PHF20: variants seen among roughly 807,000 people sequenced by gnomAD.
PHF20 encodes PHD finger protein 20, also known as glioma-expressed antigen 2.
Under a neutral mutation model 113.5 loss-of-function variants are expected in PHF20, and 23 were observed. That is an observed-to-expected ratio of 0.20 (90% CI 0.15 to 0.29). The LOEUF (loss-of-function observed/expected upper bound fraction) is 0.29. Ranked by LOEUF, PHF20 falls within the 10% of genes least tolerant of loss-of-function variation. PHF20 has a pLI of 1.00. For missense variants in PHF20, 943 were observed against 1,219.6 expected, an observed-to-expected ratio of 0.77 and a Z score of 3.38; for synonymous variants, 434 against 457.3, an observed-to-expected ratio of 0.95 and a Z score of 0.65.
At chr20:35,824,722 C>T (rs1374308207) in intron 2 of PHF20, among the ~76,000 whole-genome samples, 1 of 152,092 alleles carries the variant, frequency 6.6e-6, no homozygotes, top group Non-Finnish European at 1.5e-5. Flanking sequence ...TTCTCATTAT[C>T]CCAAAAAGAA....
Position 35,863,118 on chromosome 20 carries a change from G to T in PHF20, c.526G>T (p.Val176Leu), listed in dbSNP as rs373974765. The change falls in exon 6 of 18, where the codon GTG (valine) becomes TTG (leucine). Residue 176 changes from valine (V) to leucine (L), a missense_variant. Transcript: ENST00000374012. ...FKEQRKATVN[V>L]KKDKEDKPLK... ...AGAACAGAGAAAAGCAACAGTGAAT[G>T]TGAAGAAAGACAAAGAAGATAAACC... 2.5e-6 allele frequency: 4 copies of T among 1,613,470 alleles called. No individual in the cohort carries two copies. In the African/African-American group the frequency reaches 5.3e-5, roughly 22 times the overall value.
At chr20:35,836,722 T>C (rs907497343) in intron 2 of PHF20, among the ~76,000 whole-genome samples, 2 of 151,630 alleles carry the variant, frequency 1.3e-5, no homozygotes, top group Non-Finnish European at 2.9e-5. Context: ...CAGGTGCCTG[T>C]AGTCCCAGCT....
rs369820748 is a variant in PHF20 at position 35,939,040 on chromosome 20, C to A, written c.2644C>A (p.Arg882Ser). The A allele has an allele frequency of 6.2e-7, 1 of 1,614,170 alleles. No individual in the cohort carries two copies. The highest frequency in any genetic ancestry group is 8.5e-7 in the Non-Finnish European group (1 of 1,180,020). ...GAACGGCGATGATTCCCTTTCCCCG[C>A]GCCTGGGCTGGCCTCTAGACCAAGA... ...HENGDDSLSP[R>S]LGWPLDQDRS... The change falls in exon 16 of 18, where the codon CGC (arginine) becomes AGC (serine). Residue 882 changes from arginine (R) to serine (S), a missense_variant. Arg to Ser is a moderately radical substitution (Grantham distance 110). Around this residue, in one of 3 missense-constraint regions of PHF20, gnomAD observed 349 missense variants for 412.3 expected, o/e 0.85. Transcript: ENST00000374012.
At chr20:35,896,565 C>T (rs1466138322) in intron 9 of PHF20, among the ~76,000 whole-genome samples, 1 of 151,680 alleles carries the variant, frequency 6.6e-6, no homozygotes, top group Non-Finnish European at 1.5e-5. Context: ...AATTCCAGCA[C>T]TCTGGGAGGC....
intron 10 of PHF20, among the ~76,000 whole-genome samples, chr20:35,911,243 C>T (rs1303788790): frequency 6.6e-6 from 1 of 151,868 alleles, no homozygotes; most frequent in Non-Finnish European, 1.5e-5. Context: ...AGGGTTTTAC[C>T]ATGTTAGCCA....
chr20:35,782,261 T>TG (rs1381255892), intron 1 of PHF20: 3 of 58,586 alleles, frequency 5.1e-5, no homozygotes, highest in Non-Finnish European at 8.2e-5. Context: ...TTTCTTGTTT[T>TG]GTTTTTTTTT....
At chr20:35,856,801 G>A (rs969236503) in intron 4 of PHF20, among the ~76,000 whole-genome samples, 3 of 152,224 alleles carry the variant, frequency 2.0e-5, no homozygotes, top group African/African-American at 4.8e-5. Flanking sequence ...TAATACAGAT[G>A]TGGAGTTAGA....
At chr20:35,835,440 T>C (rs2042423448) in intron 2 of PHF20, among the ~76,000 whole-genome samples, 1 of 152,122 alleles carries the variant, frequency 6.6e-6, no homozygotes, top group African/African-American at 2.4e-5. Context: ...AGCCTAATAC[T>C]GAAACTGGGC....
At chr20:35,947,339 CTT>C in intron 17 of PHF20, 144 bp from the exon 18 acceptor site, 1 of 698,184 alleles carries the variant, frequency 1.4e-6, no homozygotes, top group Non-Finnish European at 2.3e-6. Context: ...TGAAATGGCC[CTT>C]CCTCCCTTGC....
At chr20:35,782,018 C>A (rs1378026351) in intron 1 of PHF20, among the ~76,000 whole-genome samples, 1 of 152,078 alleles carries the variant, frequency 6.6e-6, no homozygotes, top group African/African-American at 2.4e-5. Flanking sequence ...TCCTCCCAGC[C>A]CCAGCAGCTA....
chr20:35,804,933 A>T (rs1015126740), intron 2 of PHF20, among the ~76,000 whole-genome samples: 1 of 151,850 alleles, frequency 6.6e-6, no homozygotes, highest in African/African-American at 2.4e-5. Context: ...ACAGCGTCTC[A>T]CTTTGTTGCC....
In PHF20 at chr20:35,914,013, T is replaced by C. The variant is rs909471266; in HGVS notation, c.1661-20T>C. On this transcript the variant is annotated intron_variant, in intron 11 of 17. Transcript: ENST00000374012. ...GTGTTAACTAGGGTTATTCATTCCT[T>C]CCTGATCCTGTTCTTCCAGAATGCC... is the stretch of plus-strand genomic sequence containing the variant. The C allele has an allele frequency of 1.9e-6, 3 of 1,613,190 alleles. No homozygotes were observed. In the African/African-American group the frequency reaches 4.0e-5, roughly 22 times the overall value.
intron 1 of PHF20, among the ~76,000 whole-genome samples, chr20:35,792,072 A>G (rs2041567554): frequency 6.6e-6 from 1 of 152,160 alleles, no homozygotes; most frequent in Non-Finnish European, 1.5e-5. Flanking sequence ...GAGTAAACTC[A>G]ACTCATGTTT....
At chr20:35,844,918 T>G (rs1436654771) in intron 3 of PHF20, among the ~76,000 whole-genome samples, 1 of 152,166 alleles carries the variant, frequency 6.6e-6, no homozygotes, top group Non-Finnish European at 1.5e-5. Flanking sequence ...ACTGTATAGT[T>G]TAATAAGTTT....
In PHF20 at chr20:35,860,476, G is replaced by A. The variant is rs538695273; in HGVS notation, c.420+2095G>A. Among the ~76,000 whole-genome samples the A allele has an allele frequency of 3.9e-5, 6 of 151,992 alleles. No individual in the cohort carries two copies. The East Asian group carries it at 5.8e-4, about 15-fold the overall frequency. ...AGGCTGGTCTTGAAGTCCTGACCTC[G>A]GGTGATCTGCCTACCTTGGCCTCCC... On this transcript the variant is annotated intron_variant, in intron 5 of 17. Transcript: ENST00000374012.
At chr20:35,857,582 T>TTG (rs2042859471) in intron 4 of PHF20, among the ~76,000 whole-genome samples, 3 of 144,750 alleles carry the variant, frequency 2.1e-5, no homozygotes, top group South Asian at 4.4e-4. Context: ...TTTTTTTTTT[T>TTG]TTTTGTTTTT....
At chr20:35,946,257 T>G (rs1210721195) in intron 17 of PHF20, among the ~76,000 whole-genome samples, 1 of 151,326 alleles carries the variant, frequency 6.6e-6, no homozygotes, top group Non-Finnish European at 1.5e-5. Context: ...TCACCTGAGG[T>G]CAGGAGTTTG....
At chr20:35,833,787 C>T (rs1050020981) in intron 2 of PHF20, among the ~76,000 whole-genome samples, 7 of 152,100 alleles carry the variant, frequency 4.6e-5, no homozygotes, top group Non-Finnish European at 1.0e-4. Flanking sequence ...AGACCAGGCA[C>T]AGCGGTTCAT....
intron 9 of PHF20, among the ~76,000 whole-genome samples, chr20:35,892,224 A>ATTTTTTT (rs780490898): frequency 3.6e-4 from 37 of 102,504 alleles, no homozygotes; most frequent in African/African-American, 5.7e-4. Flanking sequence ...CGCCTGGCTG[A>ATTTTTTT]TTTTTTTTTT....
Sources: allele counts gnomAD v4.1 joint callset (sites outside exome capture counted in the v4.1 genomes callset), GRCh38; gene constraint gnomAD v4.1.1; regional missense constraint gnomAD v4.1.1; transcripts MANE v1.5; gene names NCBI Gene and HGNC (gene_info 2026-07-23, HGNC 2026-07-21).